PIGQ: variants seen among roughly 807,000 people sequenced by gnomAD.
PIGQ encodes phosphatidylinositol N-acetylglucosaminyltransferase subunit Q.
PIGQ carries 54 observed loss-of-function variants against 60.3 expected under a neutral mutation model. That is an observed-to-expected ratio of 0.90 (90% CI 0.72 to 1.12). The LOEUF is 1.12. PIGQ is among the 50% of genes most tolerant of loss of function. The pLI is 0.00. For synonymous variants in PIGQ, 416 were observed against 363.7 expected, an observed-to-expected ratio of 1.14 and a Z score of -1.64; for missense variants, 799 against 793.5, an observed-to-expected ratio of 1.01 and a Z score of -0.08.
intron 8 of PIGQ, chr16:580,632 T>C: frequency 1.7e-6 from 1 of 580,992 alleles, no homozygotes; most frequent in Non-Finnish European, 3.1e-6. Context: ...TGTGAGGCTG[T>C]GGGGAGGCAC....
chr16:574,083 C>G lies in PIGQ; in HGVS notation c.9C>G (p.Leu3=), dbSNP rs764804662. 1.2e-6 allele frequency: 2 copies of G among 1,602,038 alleles called. No individual in the cohort carries two copies. The highest frequency in any genetic ancestry group is 1.7e-6 in the Non-Finnish European group (2 of 1,175,286). The part of the protein sequence containing the change: MV[L]KAFFPTCCVS... Reference sequence around the variant, plus strand: ...TCTTCCAGCCTCCCGGCATGGTGCTCAAGGCCTTCTTCCCCACGTGCTGCG... The same window carrying G: ...TCTTCCAGCCTCCCGGCATGGTGCTGAAGGCCTTCTTCCCCACGTGCTGCG... Residue 3 remains leucine (L), a synonymous_variant, in exon 2 of 11, where the codon CTC becomes CTG. Transcript: ENST00000321878.
At position 579,129 on chromosome 16, in the gene PIGQ, G is replaced by T. The variant is rs1467349478; in HGVS notation, c.1284G>T (p.Lys428Asn). The T allele has an allele frequency of 6.2e-7, 1 of 1,613,070 alleles. No homozygotes were observed. The highest frequency in any genetic ancestry group is 8.5e-7 in the Non-Finnish European group (1 of 1,179,818). Residue 428 changes from lysine to asparagine, a missense_variant, in exon 7 of 11, where the codon AAG becomes AAT. Lys to Asn is a moderately conservative substitution (Grantham distance 94). Coordinates refer to ENST00000321878, the MANE Select transcript of PIGQ (RefSeq NM_004204.5). ...SSLWRLFRGK[K>N]WNVLRQRVDS... ...TGTGGCGTCTGTTCCGGGGGAAGAA[G>T]TGGAACGTTCTGCGCCAGCGCGTGG... is the stretch of plus-strand genomic sequence containing the variant.
chr16:574,578 G>C lies in PIGQ; in HGVS notation c.504G>C (p.Thr168=). The C allele has an allele frequency of 6.2e-7, 1 of 1,604,040 alleles. No homozygotes were observed. Among genetic ancestry groups the C allele is most frequent in the Non-Finnish European group, 8.5e-7 (1 of 1,176,196 alleles). ...GGGGCCTGGCTGCCGTCTTCGACAC[G>C]GTAGCACGCAGTGAGGTGCTCTTCC... ...STGGLAAVFD[T]VARSEVLFRS... The change falls in exon 2 of 11, where the codon ACG becomes ACC. Residue 168 remains threonine (T), a synonymous_variant. Coordinates refer to ENST00000321878, the MANE Select transcript of PIGQ (RefSeq NM_004204.5).
chr16:575,076 A>G (rs926784537), intron 2 of PIGQ, among the ~76,000 whole-genome samples: 6 of 152,194 alleles, frequency 3.9e-5, no homozygotes, highest in African/African-American at 1.4e-4. Context: ...GAGCACAGAC[A>G]TGACTACTGC....
At position 580,188 on chromosome 16, in the gene PIGQ, CAT is replaced by C; in HGVS notation, c.1342_1343del (p.Ile448ArgfsTer334). ...GTGCTGGCCCCTCCCTACAGCTGTT[CAT>C]CGGGACTCTGCTCTTCACCATCCTG... The part of the protein sequence containing the change: ...SCSYDLDQLF[I>X]GTLLFTILLF... On this transcript the variant is annotated frameshift_variant, in exon 8 of 11. Coordinates refer to ENST00000321878, the MANE Select transcript of PIGQ (RefSeq NM_004204.5). LOFTEE classifies it high-confidence loss of function. 1 of 1,611,432 alleles carries C rather than the reference CAT, an allele frequency of 6.2e-7. No individual in the cohort carries two copies. Among genetic ancestry groups the C allele is most frequent in the Non-Finnish European group, 8.5e-7 (1 of 1,178,540 alleles).
rs765046169 is a variant in PIGQ at position 580,964 on chromosome 16, G to T, written c.1523G>T (p.Arg508Met). The T allele has an allele frequency of 5.0e-6, 8 of 1,606,632 alleles. No homozygotes were observed. The highest frequency in any genetic ancestry group is 6.0e-6 in the Non-Finnish European group (7 of 1,174,898). The change falls in exon 9 of 11, where the codon AGG becomes ATG. Residue 508 changes from arginine (R) to methionine (M), a missense_variant. Coordinates refer to ENST00000321878, the MANE Select transcript of PIGQ (RefSeq NM_004204.5). ...SLGLRLCRPY[R>M]LAAGVKFRVL... is the part of the protein sequence containing the mutation. ...GGTCTTCGGCTCTGCCGGCCCTACA[G>T]GCTGGCGGGTAAGTGCTGCGTATTG... is the stretch of plus-strand genomic sequence containing the variant.
In PIGQ at chr16:582,699, C is replaced by G. The variant is rs3743901; in HGVS notation, c.1594-184C>G. On this transcript the variant is annotated intron_variant, in intron 10 of 10. Transcript: ENST00000321878. ...GGGGAGATGCAGCTTCTGCCTCCCCCCAGCGCTCCCTTCTGGCTGCAGGCT... is the reference window on the plus strand; with the variant it reads ...GGGGAGATGCAGCTTCTGCCTCCCCGCAGCGCTCCCTTCTGGCTGCAGGCT... 0.46 allele frequency: 321,920 copies of G among 700,230 alleles called. 76,645 individuals are homozygous for G. Among genetic ancestry groups the G allele is most frequent in the East Asian group, 0.67 (26,369 of 39,522 alleles). 43.4% of individuals were successfully genotyped at this position (700,230 alleles called of 1,614,324 possible). A position where few individuals can be genotyped will look rare whatever the true frequency, so the allele number is the denominator to read the frequency against.
At chr16:572,369 C>G in intron 1 of PIGQ, 2 of 382,592 alleles carry the variant, frequency 5.2e-6, no homozygotes, top group Non-Finnish European at 1.0e-5. Flanking sequence ...TCAGCTAGAA[C>G]CCACCGCCTT....
chr16:578,786 C>T lies in PIGQ; in HGVS notation c.1071C>T (p.Ser357=), dbSNP rs2035762337. 6.2e-7 allele frequency: 1 copy of T among 1,613,116 alleles called. No individual in the cohort carries two copies. The highest frequency in any genetic ancestry group is 8.5e-7 in the Non-Finnish European group (1 of 1,179,536). The change falls in exon 6 of 11, where the codon AGC becomes AGT. Residue 357 remains serine, a splice_region_variant and synonymous_variant. Transcript: ENST00000321878. ...TGAGGGCCTACCCCACCCTGCCAGG[C>T]TACATCCACCTCATGTCCCCCTTCG... is the stretch of plus-strand genomic sequence containing the variant. ...FFLYHIHLWI[S]YIHLMSPFVE... is the part of the protein sequence containing the mutation.
chr16:571,524 GGCTAGCC>G (rs2035627881), intron 1 of PIGQ, among the ~76,000 whole-genome samples: 2 of 114,434 alleles, frequency 1.7e-5, no homozygotes, highest in South Asian at 3.2e-4. Context: ...GTGTGTGTCT[GGCTAGCC>G]TGGCGCCTGT....
chr16:574,012 C>T, intron 1 of PIGQ, 54 bp from the exon 2 acceptor site: 1 of 1,321,224 alleles, frequency 7.6e-7, no homozygotes, highest in Non-Finnish European at 1.0e-6. Flanking sequence ...TCCCGCAGCC[C>T]ACGGTGGGGG....
At chr16:582,178 C>T (rs1223803438) in intron 9 of PIGQ, 70 bp from the exon 10 acceptor site, 27 of 1,138,428 alleles carry the variant, frequency 2.4e-5, no homozygotes, top group Non-Finnish European at 3.4e-5. Context: ...AGGAAGGTAC[C>T]TGCAGCCTCT....
chr16:579,036 C>T (rs1230252376), intron 6 of PIGQ, 33 bp from the exon 7 acceptor site: 15 of 590,610 alleles, frequency 2.5e-5, no homozygotes, highest in South Asian at 3.7e-5. Context: ...CGGGGCGGGG[C>T]GGGGCCGGGC....
At position 579,086 on chromosome 16, in the gene PIGQ, T is replaced by A. The variant is rs1767234671; in HGVS notation, c.1241T>A (p.Ile414Asn). The A allele has an allele frequency of 1.2e-6, 2 of 1,612,626 alleles. No individual in the cohort carries two copies. The highest frequency in any genetic ancestry group is 1.7e-6 in the Non-Finnish European group (2 of 1,179,708). Residue 414 changes from isoleucine (I) to asparagine (N), a missense_variant, in exon 7 of 11, where the codon ATC becomes AAC. Transcript: ENST00000321878. The part of the protein sequence containing the change: ...VYGARLYCLK[I>N]HGLSSLWRLF... ...TCCTGTAGGCTGTACTGCCTGAAGATCCATGGCCTGTCCTCACTGTGGCGT... is the reference window on the plus strand; with the variant it reads ...TCCTGTAGGCTGTACTGCCTGAAGAACCATGGCCTGTCCTCACTGTGGCGT...
chr16:571,000 T>C (rs1396231666), intron 1 of PIGQ, among the ~76,000 whole-genome samples: 1 of 150,734 alleles, frequency 6.6e-6, no homozygotes, highest in Non-Finnish European at 1.5e-5. Context: ...CTCGGGCTCA[T>C]TCTTAGCAGA....
At chr16:574,876 C>T (rs979071992) in intron 2 of PIGQ, 113 bp downstream of exon 2, 2 of 834,652 alleles carry the variant, frequency 2.4e-6, no homozygotes, top group South Asian at 3.7e-5. Flanking sequence ...GGGCCCGGGC[C>T]CCCTCCCACT....
At chr16:570,151 C>T (rs2035597681) in intron 1 of PIGQ, 55 bp downstream of exon 1, 1 of 151,008 alleles carries the variant, frequency 6.6e-6, no homozygotes, top group South Asian at 2.1e-4. Context: ...GCCCCTGCGG[C>T]TCCGGGCCTG....
chr16:573,071 C>T (rs773536355), intron 1 of PIGQ, among the ~76,000 whole-genome samples: 1 of 152,226 alleles, frequency 6.6e-6, no homozygotes, highest in Non-Finnish European at 1.5e-5. Context: ...CCAGGGAAGG[C>T]ATCAGTGGAG....
At chr16:571,420 TGTGTCTGGTTA>T (rs2035623455) in intron 1 of PIGQ, among the ~76,000 whole-genome samples, 2 of 70,782 alleles carry the variant, frequency 2.8e-5, no homozygotes, top group Non-Finnish European at 5.6e-5. Flanking sequence ...CTAGCCTGTG[TGTGTCTGGTTA>T]GCCTGTGTGT....
Sources: gnomAD v4.1 joint callset for allele counts (sites outside exome capture counted in the v4.1 genomes callset) on GRCh38, gnomAD v4.1.1 for gene constraint, MANE v1.5 for transcripts, NCBI Gene and HGNC (gene_info 2026-07-23, HGNC 2026-07-21) for gene names.